TMPRSS12: variants seen among roughly 807,000 people sequenced by gnomAD.
TMPRSS12 encodes transmembrane protease serine 12.
TMPRSS12 carries 25 observed loss-of-function variants against 26.0 expected under a neutral mutation model. The ratio of observed to expected loss-of-function variants is 0.96; its 90% CI spans 0.70 to 1.34. The LOEUF (loss-of-function observed/expected upper bound fraction) is 1.34. Ranked by LOEUF, TMPRSS12 falls within the 40% of genes most tolerant of loss-of-function variation. The pLI is 0.00. For synonymous variants in TMPRSS12, 150 were observed against 161.7 expected (o/e 0.93, Z 0.55); for missense variants, 441 against 440.1 (o/e 1.00, Z -0.02).
chr12:50,871,987 CT>C (rs1419199768), intron 3 of TMPRSS12, among the ~76,000 whole-genome samples: 3 of 151,682 alleles, frequency 2.0e-5, no homozygotes, highest in Non-Finnish European at 4.4e-5. Flanking sequence ...TTCTACACTG[CT>C]GGTGGGAATG....
At chr12:50,859,140 C>T (rs111326397) in intron 3 of TMPRSS12, 87 bp downstream of exon 3, 11 of 1,227,686 alleles carry the variant, frequency 9.0e-6, no homozygotes, top group African/African-American at 4.6e-5. Flanking sequence ...TCATGTGCCA[C>T]ATAATGACAT....
At chr12:50,869,955 C>T (rs541904310) in intron 3 of TMPRSS12, among the ~76,000 whole-genome samples, 11 of 152,148 alleles carry the variant, frequency 7.2e-5, no homozygotes, top group East Asian at 5.8e-4. Context: ...TGGTTGCAGG[C>T]GCCTGTAATC....
At chr12:50,854,779 AAG>A (rs1229761516) in intron 2 of TMPRSS12, among the ~76,000 whole-genome samples, 1 of 152,182 alleles carries the variant, frequency 6.6e-6, no homozygotes, top group Non-Finnish European at 1.5e-5. Flanking sequence ...TCTCTACAAA[AAG>A]AATTATAAAA....
chr12:50,870,325 A>G (rs990080842), intron 3 of TMPRSS12, among the ~76,000 whole-genome samples: 2 of 101,412 alleles, frequency 2.0e-5, no homozygotes, highest in African/African-American at 7.3e-5. Context: ...GTGAAACACT[A>G]CATACACAGA....
intron 3 of TMPRSS12, among the ~76,000 whole-genome samples, chr12:50,871,844 A>G (rs1347846835): frequency 1.3e-5 from 2 of 152,192 alleles, no homozygotes; most frequent in African/African-American, 2.4e-5. Flanking sequence ...AATGCTCAAC[A>G]TCACTAATGA....
At chr12:50,862,357 G>A (rs894067699) in intron 3 of TMPRSS12, among the ~76,000 whole-genome samples, 7 of 152,064 alleles carry the variant, frequency 4.6e-5, no homozygotes, top group Non-Finnish European at 1.0e-4. Context: ...GAGGGTATTC[G>A]CCAAAATGTT....
At chr12:50,872,882 A>G (rs1938077243) in intron 3 of TMPRSS12, among the ~76,000 whole-genome samples, 1 of 114,222 alleles carries the variant, frequency 8.8e-6, no homozygotes, top group Non-Finnish European at 1.9e-5. Context: ...GTACATATAT[A>G]TGACGTATAT....
chr12:50,843,789 G>A (rs1937737011), intron 1 of TMPRSS12, 53 bp from the exon 2 acceptor site: 1 of 1,513,286 alleles, frequency 6.6e-7, no homozygotes, highest in Non-Finnish European at 8.9e-7. Flanking sequence ...AGCTTAGGAA[G>A]TAACACATAC....
At chr12:50,867,415 A>G (rs1010424542) in intron 3 of TMPRSS12, among the ~76,000 whole-genome samples, 1 of 152,322 alleles carries the variant, frequency 6.6e-6, no homozygotes, top group African/African-American at 2.4e-5. Flanking sequence ...AACCCAATCC[A>G]ACAAAGACAA....
At chr12:50,871,677 T>C (rs1052926461) in intron 3 of TMPRSS12, among the ~76,000 whole-genome samples, 2 of 152,104 alleles carry the variant, frequency 1.3e-5, no homozygotes, top group African/African-American at 4.8e-5. Flanking sequence ...GAGAAAATCT[T>C]CACAATCTAT....
chr12:50,876,878 A>G (rs189889399), intron 3 of TMPRSS12, among the ~76,000 whole-genome samples: 263 of 152,168 alleles, frequency 1.7e-3, no homozygotes, highest in South Asian at 8.9e-3. Flanking sequence ...TACAGCCATA[A>G]AAAAACAGAA....
chr12:50,885,515 C>A (rs751270619), intron 4 of TMPRSS12, 127 bp downstream of exon 4: 24 of 1,158,208 alleles, frequency 2.1e-5, no homozygotes, highest in Non-Finnish European at 2.9e-5. Context: ...ATTTTTTCTC[C>A]TTTTTAACTA....
In TMPRSS12 at chr12:50,887,287, G is replaced by A. The variant is rs749895896; in HGVS notation, c.821G>A (p.Cys274Tyr). 2.5e-6 allele frequency: 4 copies of A among 1,613,690 alleles called. No individual in the cohort carries two copies. The highest frequency in any genetic ancestry group is 3.4e-6 in the Non-Finnish European group (4 of 1,179,854). ...CRGDSGGPLMCYLPEYKRFFV... is the reference protein window; with the variant it reads ...CRGDSGGPLMYYLPEYKRFFV... Reference sequence around the variant, plus strand: ...GGTGACAGTGGGGGACCATTAATGTGCTACTTACCAGAATATAAAAGATTT... The same window carrying A: ...GGTGACAGTGGGGGACCATTAATGTACTACTTACCAGAATATAAAAGATTT... Residue 274 changes from cysteine (C) to tyrosine (Y), a missense_variant, in exon 5 of 5, where the codon TGC becomes TAC. Transcript: ENST00000398458.
chr12:50,855,498 A>G lies in TMPRSS12; in HGVS notation c.384-3287A>G, dbSNP rs1480312510. On this transcript the variant is annotated intron_variant, in intron 2 of 4. Coordinates refer to ENST00000398458, the MANE Select transcript of TMPRSS12 (RefSeq NM_182559.3). Reference sequence around the variant, plus strand: ...CATCAGAGAAATGCAAATCAAAACCACAATGAGATACTATCCCACACCAGT... The same window carrying G: ...CATCAGAGAAATGCAAATCAAAACCGCAATGAGATACTATCCCACACCAGT... Among the ~76,000 whole-genome samples the G allele has an allele frequency of 2.0e-5, 3 of 152,332 alleles. No individual in the cohort carries two copies. In the East Asian group the frequency reaches 5.8e-4, roughly 29 times the overall value.
In TMPRSS12 at chr12:50,883,005, T is replaced by A. The variant is rs574374945; in HGVS notation, c.653-2241T>A. On this transcript the variant is annotated intron_variant, in intron 3 of 4. Transcript: ENST00000398458. ...GGCATTTCAAACAAATTATTAGTAA[T>A]AACACACTAAATCTACAAAGTATAT... 1.1e-4 allele frequency among the ~76,000 whole-genome samples: 17 copies of A among 152,234 alleles called. 1 individual carries two copies. In the South Asian group the frequency reaches 3.3e-3, roughly 30 times the overall value.
chr12:50,846,157 ATT>A (rs967766626), intron 2 of TMPRSS12, among the ~76,000 whole-genome samples: 16 of 151,924 alleles, frequency 1.1e-4, no homozygotes, highest in Non-Finnish European at 2.1e-4. Flanking sequence ...AAATTTATCT[ATT>A]TTTTTTCTTT....
At chr12:50,871,863 A>G (rs1354608777) in intron 3 of TMPRSS12, among the ~76,000 whole-genome samples, 1 of 152,206 alleles carries the variant, frequency 6.6e-6, no homozygotes, top group Non-Finnish European at 1.5e-5. Flanking sequence ...GATCAGGGAA[A>G]TGCAAATCAA....
chr12:50,843,936 C>T lies in TMPRSS12; in HGVS notation c.282C>T (p.Ser94=). The T allele has an allele frequency of 6.3e-7, 1 of 1,596,090 alleles. No homozygotes were observed. The highest frequency in any genetic ancestry group is 8.5e-7 in the Non-Finnish European group (1 of 1,171,234). The stretch of plus-strand genomic sequence containing the variant: ...CTGGCGCATGGCCGTGGGTGGTGAG[C>T]CTGCAGATTAAATATGGCCGTGTTC... ...AQAGAWPWVV[S]LQIKYGRVLV... The change falls in exon 2 of 5, where the codon AGC becomes AGT. Residue 94 remains serine, a synonymous_variant. Coordinates refer to ENST00000398458, the MANE Select transcript of TMPRSS12 (RefSeq NM_182559.3).
Position 50,887,508 on chromosome 12 carries a change from A to G in TMPRSS12, c.1042A>G (p.Thr348Ala). The G allele has an allele frequency of 6.2e-7, 1 of 1,610,088 alleles. No homozygotes were observed. The highest frequency in any genetic ancestry group is 2.2e-5 in the East Asian group (1 of 44,842). Residue 348 changes from threonine to alanine, a missense_variant, in exon 5 of 5, where the codon ACA becomes GCA. Transcript: ENST00000398458. ...ATGTTTTGTCATCTTACTAGCAACA[A>G]CATAAAGAAATTCTGAAGGCTTTCA... Reference protein sequence around the residue: ...ALCFVILLATT With the variant: ...ALCFVILLATA
Sources: gnomAD v4.1 joint callset for allele counts (sites outside exome capture counted in the v4.1 genomes callset) on GRCh38, gnomAD v4.1.1 for gene constraint, MANE v1.5 for transcripts, NCBI Gene and HGNC (gene_info 2026-07-23, HGNC 2026-07-21) for gene names.